Variants in SYT1 observed in about 807,000 individuals in gnomAD.
SYT1 encodes the protein synaptotagmin 1.
Under a neutral mutation model 44.8 loss-of-function variants are expected in SYT1, and 8 were observed. The observed-to-expected ratio is 0.18, with a 90% CI of 0.10 to 0.32. The LOEUF is 0.32. Among genes scored for constraint, SYT1 ranks in the 10% least tolerant of loss-of-function variants. The probability of loss-of-function intolerance (pLI) is 1.00; values close to 1 mark genes in which losing one functional copy is unlikely to be tolerated. For synonymous variants in SYT1, 154 were observed against 188.8 expected (o/e 0.82, Z 1.51); for missense variants, 286 against 509.3 (o/e 0.56, Z 4.22).
chr12:78,923,504 C>G (rs1459377386), intron 1 of SYT1, among the ~76,000 whole-genome samples: 1 of 151,824 alleles, frequency 6.6e-6, no homozygotes, highest in Non-Finnish European at 1.5e-5. Context: ...GAGTTTAGAG[C>G]TGACTTACCC....
intron 1 of SYT1, among the ~76,000 whole-genome samples, chr12:78,890,182 A>T (rs1874972655): frequency 6.6e-6 from 1 of 151,950 alleles, no homozygotes; most frequent in Non-Finnish European, 1.5e-5. Context: ...TTGCCTTGAA[A>T]GCATTTCACT....
intron 9 of SYT1, among the ~76,000 whole-genome samples, chr12:79,401,880 G>A (rs1885081931): frequency 6.6e-6 from 1 of 151,858 alleles, no homozygotes; most frequent in Admixed American, 6.6e-5. Flanking sequence ...TGTTGCCCAG[G>A]CTGGTCTCAT....
At chr12:79,153,096 A>C (rs79879481) in intron 3 of SYT1, among the ~76,000 whole-genome samples, 10,363 of 152,074 alleles carry the variant, frequency 0.068, 385 homozygotes, top group African/African-American at 0.079. Context: ...AAACAACCCC[A>C]AAAAAGGCAT....
chr12:79,074,603 C>T (rs1312039043), intron 3 of SYT1, among the ~76,000 whole-genome samples: 1 of 152,110 alleles, frequency 6.6e-6, no homozygotes, highest in African/African-American at 2.4e-5. Flanking sequence ...ATGAATCATC[C>T]TTCATTCTTG....
intron 1 of SYT1, among the ~76,000 whole-genome samples, chr12:78,910,372 A>G (rs1186410490): frequency 2.6e-5 from 4 of 151,898 alleles, no homozygotes; most frequent in Admixed American, 6.6e-5. Flanking sequence ...TAAACATTCA[A>G]TTTCTGCCTA....
intron 3 of SYT1, among the ~76,000 whole-genome samples, chr12:79,186,239 T>TC (rs1872794337): frequency 6.6e-6 from 1 of 152,062 alleles, no homozygotes; most frequent in Admixed American, 6.6e-5. Flanking sequence ...ATTCCTCTTA[T>TC]ATATTCTACC....
chr12:79,064,960 GAAAGAAAGAAAGAAAGA>G, intron 3 of SYT1, among the ~76,000 whole-genome samples: 1 of 150,030 alleles, frequency 6.7e-6, no homozygotes, highest in Non-Finnish European at 1.5e-5. Context: ...AAGAAAGAAA[GAAAGAAAGAAAGAAAGA>G]AAGAAAGAAA....
At chr12:78,915,189 T>C (rs2137141457) in intron 1 of SYT1, among the ~76,000 whole-genome samples, 1 of 152,140 alleles carries the variant, frequency 6.6e-6, no homozygotes, top group African/African-American at 2.4e-5. Context: ...AAAAATGCAG[T>C]CAGATCACTA....
chr12:78,995,951 T>C (rs560129187), intron 2 of SYT1: 3 of 152,202 alleles, frequency 2.0e-5, no homozygotes, highest in Non-Finnish European at 4.4e-5. Flanking sequence ...GAAACAAAGA[T>C]AGTTTTCTTT....
chr12:79,260,808 T>A (rs905926164), intron 4 of SYT1, among the ~76,000 whole-genome samples: 10 of 151,894 alleles, frequency 6.6e-5, no homozygotes, highest in Non-Finnish European at 1.5e-4. Context: ...ATCTCATATT[T>A]TTTTTTTTAG....
chr12:79,179,273 T>C lies in SYT1; in HGVS notation c.-17-38230T>C, dbSNP rs1166851631. 1.0e-4 allele frequency among the ~76,000 whole-genome samples: 12 copies of C among 120,472 alleles called. 2 individuals carry two copies. The highest frequency in any genetic ancestry group is 4.0e-4 in the African/African-American group (12 of 29,866). 79.0% of individuals were successfully genotyped at this position (120,472 alleles called of 152,430 possible). ...AGATATAGATATAGATATATAGATATAGATATAGATATATAGATACAGATT... is the reference window on the plus strand; with the variant it reads ...AGATATAGATATAGATATATAGATACAGATATAGATATATAGATACAGATT... On this transcript the variant is annotated intron_variant, in intron 3 of 10. Coordinates refer to ENST00000261205, the MANE Select transcript of SYT1 (RefSeq NM_005639.3).
At chr12:79,031,593 G>C (rs1043669691) in intron 2 of SYT1, among the ~76,000 whole-genome samples, 4 of 150,998 alleles carry the variant, frequency 2.6e-5, no homozygotes, top group Admixed American at 1.3e-4. Context: ...ATTCTTGTTA[G>C]AACCCTATTA....
intron 4 of SYT1, among the ~76,000 whole-genome samples, chr12:79,245,302 C>CAAAAA (rs61324842): frequency 3.8e-5 from 4 of 104,216 alleles, no homozygotes; most frequent in South Asian, 6.5e-4. Context: ...CCCGTCTCTA[C>CAAAAA]AAAAAAAAAA....
At chr12:79,045,392 G>C (rs975564456) in intron 2 of SYT1, among the ~76,000 whole-genome samples, 5 of 152,162 alleles carry the variant, frequency 3.3e-5, no homozygotes, top group Non-Finnish European at 5.9e-5. Flanking sequence ...TTCCAGGTGC[G>C]TCTGTTACCC....
At chr12:79,410,075 G>A (rs757372770) in intron 9 of SYT1, among the ~76,000 whole-genome samples, 8 of 152,038 alleles carry the variant, frequency 5.3e-5, no homozygotes, top group Non-Finnish European at 1.0e-4. Flanking sequence ...TACAGAGGCA[G>A]TGTTAACAAA....
At chr12:79,284,619 T>G (rs1879212596) in intron 4 of SYT1, among the ~76,000 whole-genome samples, 1 of 151,958 alleles carries the variant, frequency 6.6e-6, no homozygotes, top group Non-Finnish European at 1.5e-5. Flanking sequence ...AGGTGGATCA[T>G]AAGGTCAGGA....
Position 78,996,834 on chromosome 12 carries a change from G to C in SYT1, c.-84+18903G>C, listed in dbSNP as rs544227629. ...GCCTGGGAAATGCAGTGCTTTAAAGGAAACTCAGAAACAGAGTTTGGATTA... is the reference window on the plus strand; with the variant it reads ...GCCTGGGAAATGCAGTGCTTTAAAGCAAACTCAGAAACAGAGTTTGGATTA... On this transcript the variant is annotated intron_variant, in intron 2 of 10. Coordinates refer to ENST00000261205, the MANE Select transcript of SYT1 (RefSeq NM_005639.3). Among the ~76,000 whole-genome samples the C allele has an allele frequency of 2.4e-4, 36 of 152,276 alleles. No individual in the cohort carries two copies. In the South Asian group the frequency reaches 7.5e-3, roughly 32 times the overall value.
In SYT1 at chr12:79,138,828, T is replaced by C. The variant is rs144774423; in HGVS notation, c.-17-78675T>C. 1.1e-4 allele frequency among the ~76,000 whole-genome samples: 17 copies of C among 152,288 alleles called. No individual in the cohort carries two copies. In the East Asian group the frequency reaches 2.5e-3, roughly 22 times the overall value. ...TTATATTTTGCAAGGCTTTCACATA[T>C]GGTGGGGCCAGGGTGAGGCAAGTGT... On this transcript the variant is annotated intron_variant, in intron 3 of 10. Coordinates refer to ENST00000261205, the MANE Select transcript of SYT1 (RefSeq NM_005639.3).
At chr12:79,017,615 A>G (rs1449439658) in intron 2 of SYT1, among the ~76,000 whole-genome samples, 2 of 152,086 alleles carry the variant, frequency 1.3e-5, no homozygotes, top group South Asian at 2.1e-4. Context: ...GGGGACTTCA[A>G]CCTAGCCAGA....
Sources: allele counts gnomAD v4.1 joint callset (sites outside exome capture counted in the v4.1 genomes callset), GRCh38; gene constraint gnomAD v4.1.1; transcripts MANE v1.5; gene names NCBI Gene and HGNC (gene_info 2026-07-23, HGNC 2026-07-21).